Variants in RDX observed in about 807,000 individuals in gnomAD.
RDX encodes the protein deafness, autosomal recessive 24.
Under a neutral mutation model 83.7 loss-of-function variants are expected in RDX, and 32 were observed. That is an observed-to-expected ratio of 0.38 (90% confidence interval 0.29 to 0.51). RDX has a LOEUF of 0.51. Among genes scored for constraint, RDX ranks in the 20% least tolerant of loss-of-function variants. The pLI, the probability that RDX is intolerant of heterozygous loss-of-function variation, is 0.87. For missense variants in RDX, 600 were observed against 689.9 expected, an observed-to-expected ratio of 0.87 and a Z score of 1.46; for synonymous variants, 229 against 222.7, an observed-to-expected ratio of 1.03 and a Z score of -0.25.
chr11:110,272,518 T>G lies in RDX; in HGVS notation c.96+18A>C, dbSNP rs764279399. 1.0e-5 allele frequency: 16 copies of G among 1,549,364 alleles called. No individual in the cohort carries two copies. Among genetic ancestry groups the G allele is most frequent in the Non-Finnish European group, 1.4e-5 (16 of 1,123,058 alleles). On this transcript the variant is annotated intron_variant, in intron 3 of 13. Coordinates refer to ENST00000645495, the MANE Select transcript of RDX (RefSeq NM_002906.4). ...ACACTATGGTGTCAAAAGTTGCATA[T>G]TTCATGCAGTGTAATACCTGGTCAA...
intron 1 of RDX, among the ~76,000 whole-genome samples, chr11:110,293,283 G>A (rs1416049213): frequency 6.6e-6 from 1 of 152,222 alleles, no homozygotes; most frequent in Non-Finnish European, 1.5e-5. Context: ...ACAGGACTGG[G>A]AAAGGGGCTG....
At chr11:110,186,946 A>G (rs902942590) in intron 15 of RDX, among the ~76,000 whole-genome samples, 8 of 152,226 alleles carry the variant, frequency 5.3e-5, no homozygotes, top group Non-Finnish European at 7.3e-5. Flanking sequence ...GGCCCTCCAC[A>G]GCCAGAACTG....
intron 12 of RDX, 51 bp downstream of exon 12, chr11:110,236,048 C>T (rs780441498): frequency 7.8e-7 from 1 of 1,283,298 alleles, no homozygotes; most frequent in Non-Finnish European, 1.1e-6. Flanking sequence ...TCAGCATAAT[C>T]CTGGGTATAA....
chr11:110,288,422 C>T (rs1861073832), intron 1 of RDX: 1 of 152,198 alleles, frequency 6.6e-6, no homozygotes, highest in African/African-American at 2.4e-5. Flanking sequence ...TCAACTTCCT[C>T]ATTTCACTCT....
chr11:110,197,898 T>C (rs570017703), intron 15 of RDX, among the ~76,000 whole-genome samples: 4 of 152,166 alleles, frequency 2.6e-5, no homozygotes, highest in Admixed American at 6.5e-5. Context: ...GGATGTGTCG[T>C]AGCATTTCAA....
chr11:110,258,213 AAATT>A, intron 5 of RDX, 24 bp from the exon 6 acceptor site: 1 of 1,467,846 alleles, frequency 6.8e-7, no homozygotes, highest in Non-Finnish European at 9.4e-7. Context: ...AAAAAAAAAA[AAATT>A]ATAATGACTT....
At chr11:110,265,684 C>A (rs1346689175) in intron 3 of RDX, among the ~76,000 whole-genome samples, 1 of 152,000 alleles carries the variant, frequency 6.6e-6, no homozygotes, top group African/African-American at 2.4e-5. Context: ...TAAATTCCAC[C>A]CTTCTACAAT....
chr11:110,264,825 T>C lies in RDX; in HGVS notation c.146A>G (p.Tyr49Cys), dbSNP rs201338088. 98 of 1,614,016 alleles carry C rather than the reference T, an allele frequency of 6.1e-5. No individual in the cohort carries two copies. In the Middle Eastern group the frequency reaches 1.2e-3, roughly 19 times the overall value. The change falls in exon 4 of 14, where the codon TAT becomes TGT. Residue 49 changes from tyrosine (Y) to cysteine (C), a missense_variant. Tyr to Cys is a radical substitution (Grantham distance 194). Coordinates refer to ENST00000645495, the MANE Select transcript of RDX (RefSeq NM_002906.4). ...TGTAGAATAACCTTTGCTGTCTACA[T>C]ACTGCAGCCCAAAAAACCAGACCTC... Reference protein sequence around the residue: ...LREVWFFGLQYVDSKGYSTWL... With the variant: ...LREVWFFGLQCVDSKGYSTWL...
At chr11:110,189,412 T>C (rs1565282437) in intron 15 of RDX, among the ~76,000 whole-genome samples, 2 of 152,024 alleles carry the variant, frequency 1.3e-5, no homozygotes, top group African/African-American at 4.8e-5. Flanking sequence ...CACACAATAA[T>C]TGTGGGGTCC....
At chr11:110,256,212 A>G (rs1464751245) in intron 7 of RDX, among the ~76,000 whole-genome samples, 1 of 152,220 alleles carries the variant, frequency 6.6e-6, no homozygotes, top group Non-Finnish European at 1.5e-5. Context: ...TCTTTTAGCC[A>G]GGCTTCTGAC....
At chr11:110,240,661 C>T (rs1423892737) in intron 10 of RDX, among the ~76,000 whole-genome samples, 7 of 147,774 alleles carry the variant, frequency 4.7e-5, no homozygotes, top group East Asian at 2.0e-4. Context: ...AGGAGAATGG[C>T]GTGAACCCGG....
intron 15 of RDX, among the ~76,000 whole-genome samples, chr11:110,189,681 A>G (rs1863066757): frequency 6.6e-6 from 1 of 152,232 alleles, no homozygotes; most frequent in Non-Finnish European, 1.5e-5. Context: ...TGGAAGAAAA[A>G]CAGAAATCAG....
chr11:110,257,854 T>C lies in RDX; in HGVS notation c.611A>G (p.Asn204Ser), dbSNP rs1270058032. ...IAQDLEMYGV[N>S]YFEIKNKKGT... Reference sequence around the variant, plus strand: ...TTTTTTATTTTTTATTTCAAAATAGTTGACTCCATACATTTCTAGATCTTG... The same window carrying C: ...TTTTTTATTTTTTATTTCAAAATAGCTGACTCCATACATTTCTAGATCTTG... Residue 204 changes from asparagine to serine, a missense_variant, in exon 7 of 14, where the codon AAC (asparagine) becomes AGC (serine). Asn to Ser is a conservative substitution (Grantham distance 46). Coordinates refer to ENST00000645495, the MANE Select transcript of RDX (RefSeq NM_002906.4). 6.2e-7 allele frequency: 1 copy of C among 1,612,396 alleles called. No individual in the cohort carries two copies. The highest frequency in any genetic ancestry group is 8.5e-7 in the Non-Finnish European group (1 of 1,178,810).
chr11:110,182,731 A>G (rs1862911797), intron 15 of RDX, among the ~76,000 whole-genome samples: 1 of 152,156 alleles, frequency 6.6e-6, no homozygotes, highest in Non-Finnish European at 1.5e-5. Flanking sequence ...TTCTGCCTTT[A>G]GGGAAACTTT....
rs12284904 is a variant in RDX, at chr11:110,278,011, G to A, written c.12+1670C>T. On this transcript the variant is annotated intron_variant, in intron 2 of 13. Transcript: ENST00000645495. ...AGTCAATGTTCATGTTTTTCTGTATGGATAACCCTTTGTGCCAATACCATT... is the reference window on the plus strand; with the variant it reads ...AGTCAATGTTCATGTTTTTCTGTATAGATAACCCTTTGTGCCAATACCATT... Among the ~76,000 whole-genome samples the A allele has an allele frequency of 4.6e-3, 707 of 152,208 alleles. 6 individuals are homozygous for A. Among genetic ancestry groups the A allele is most frequent in the African/African-American group, 0.016 (674 of 41,534 alleles).
intron 1 of RDX, among the ~76,000 whole-genome samples, chr11:110,286,098 T>A (rs909755450): frequency 6.6e-6 from 1 of 152,170 alleles, no homozygotes; most frequent in South Asian, 2.1e-4. Flanking sequence ...TTAAACTTAA[T>A]TAAACCAATT....
intron 1 of RDX, among the ~76,000 whole-genome samples, chr11:110,293,361 C>G (rs1297331575): frequency 6.6e-6 from 1 of 151,942 alleles, no homozygotes; most frequent in Non-Finnish European, 1.5e-5. Flanking sequence ...TTAAACTTTG[C>G]CATAAAATAT....
At chr11:110,267,618 C>T (rs1185659117) in intron 3 of RDX, among the ~76,000 whole-genome samples, 2 of 151,316 alleles carry the variant, frequency 1.3e-5, no homozygotes, top group African/African-American at 4.9e-5. Context: ...AAACTGAACC[C>T]TTCCATTTAC....
chr11:110,195,372 T>A (rs974229731), intron 15 of RDX, among the ~76,000 whole-genome samples: 1 of 152,204 alleles, frequency 6.6e-6, no homozygotes, highest in Admixed American at 6.5e-5. Context: ...TAGTGCCATC[T>A]TATGAATTAA....
Sources: gnomAD v4.1 joint callset for allele counts (sites outside exome capture counted in the v4.1 genomes callset) on GRCh38, gnomAD v4.1.1 for gene constraint, MANE v1.5 for transcripts, NCBI Gene and HGNC (gene_info 2026-07-23, HGNC 2026-07-21) for gene names.